MCF2L2: variants seen among roughly 807,000 people sequenced by gnomAD.
MCF2L2 encodes the protein probable guanine nucleotide exchange factor MCF2L2.
In MCF2L2, 102 loss-of-function variants were observed where a neutral mutation model predicts 150.2. The observed-to-expected ratio is 0.68, with a 90% CI of 0.58 to 0.80. The LOEUF (loss-of-function observed/expected upper bound fraction) is 0.80. MCF2L2 is among the 30% of genes least tolerant of loss of function. The pLI is 0.00. For synonymous variants in MCF2L2, 465 were observed against 491.3 expected (o/e 0.95, Z 0.71); for missense variants, 1,256 against 1,372.8 (o/e 0.91, Z 1.34).
chr3:183,351,893 C>T (rs749364332), intron 3 of MCF2L2, among the ~76,000 whole-genome samples: 5 of 152,212 alleles, frequency 3.3e-5, no homozygotes, highest in Non-Finnish European at 5.9e-5. Flanking sequence ...AGAAGCTCAT[C>T]TCAAGCCCTC....
chr3:183,309,576 T>C (rs1480931833), intron 10 of MCF2L2, 140 bp downstream of exon 10: 1 of 1,031,966 alleles, frequency 9.7e-7, no homozygotes. Context: ...GCCTCTCTCC[T>C]TGGGATCCTG....
intron 14 of MCF2L2, among the ~76,000 whole-genome samples, chr3:183,285,060 CT>C (rs1382079999): frequency 2.0e-5 from 3 of 152,226 alleles, no homozygotes; most frequent in Admixed American, 2.0e-4. Flanking sequence ...AACTTGCCCC[CT>C]GATCTGTTAT....
intron 18 of MCF2L2, 188 bp downstream of exon 18, chr3:183,228,109 C>G (rs1376259984): frequency 3.6e-6 from 2 of 554,110 alleles, no homozygotes; most frequent in Non-Finnish European, 6.5e-6. Flanking sequence ...GTAAGTATAT[C>G]AAACCATCAT....
At chr3:183,347,607 G>A (rs1424959551) in intron 3 of MCF2L2, among the ~76,000 whole-genome samples, 1 of 152,152 alleles carries the variant, frequency 6.6e-6, no homozygotes, top group African/African-American at 2.4e-5. Flanking sequence ...TATCATCAGA[G>A]TGAACATGCA....
intron 7 of MCF2L2, among the ~76,000 whole-genome samples, chr3:183,313,700 C>A (rs991526566): frequency 6.6e-6 from 1 of 152,204 alleles, no homozygotes; most frequent in Non-Finnish European, 1.5e-5. Context: ...TGCCCGCACT[C>A]AGGCTGGAGG....
At chr3:183,427,848 G>C in intron 1 of MCF2L2, 54 bp downstream of exon 1, 1 of 1,478,002 alleles carries the variant, frequency 6.8e-7, no homozygotes, top group South Asian at 1.1e-5. Flanking sequence ...GAAGCCCAGA[G>C]ACCATCCTCA....
intron 10 of MCF2L2, among the ~76,000 whole-genome samples, chr3:183,304,310 C>A (rs913738374): frequency 6.6e-6 from 1 of 152,172 alleles, no homozygotes; most frequent in Admixed American, 6.5e-5. Flanking sequence ...AAGAGGAGTA[C>A]TGGTATAGAA....
At chr3:183,188,839 G>C (rs575277537) in intron 27 of MCF2L2, among the ~76,000 whole-genome samples, 1 of 152,116 alleles carries the variant, frequency 6.6e-6, no homozygotes, top group South Asian at 2.1e-4. Context: ...GGTGTGGCAT[G>C]AGCCTGTAAT....
intron 2 of MCF2L2, among the ~76,000 whole-genome samples, chr3:183,385,212 C>CT (rs1213576802): frequency 1.3e-5 from 2 of 151,960 alleles, no homozygotes; most frequent in Non-Finnish European, 1.5e-5. Flanking sequence ...TTATTTTAAC[C>CT]TTTTTAATAT....
At chr3:183,338,059 T>C (rs780704791) in intron 5 of MCF2L2, among the ~76,000 whole-genome samples, 1 of 152,148 alleles carries the variant, frequency 6.6e-6, no homozygotes, top group African/African-American at 2.4e-5. Context: ...CCGTGTTTTG[T>C]TTCACCTGTA....
At chr3:183,382,109 A>G (rs1713563171) in intron 2 of MCF2L2, among the ~76,000 whole-genome samples, 1 of 152,116 alleles carries the variant, frequency 6.6e-6, no homozygotes, top group South Asian at 2.1e-4. Flanking sequence ...CCCAGGCTAG[A>G]CTGCAGTGGT....
chr3:183,297,006 C>T lies in MCF2L2; in HGVS notation c.1467G>A (p.Glu489=), dbSNP rs1281123993. Residue 489 remains glutamate, a synonymous_variant, in exon 12 of 30, where the codon GAG becomes GAA. Coordinates refer to ENST00000328913, the MANE Select transcript of MCF2L2 (RefSeq NM_015078.4). ...PLLSPKEFYN[E]FELLLTLDAK... Reference sequence around the variant, plus strand: ...CATCGAGGGTGAGCAGCAACTCAAACTCGTTGTAAAACTCCTTGGGGCTGA... The same window carrying T: ...CATCGAGGGTGAGCAGCAACTCAAATTCGTTGTAAAACTCCTTGGGGCTGA... 20 of 1,613,840 alleles carry T rather than the reference C, an allele frequency of 1.2e-5. No homozygotes were observed. Among genetic ancestry groups the T allele is most frequent in the Non-Finnish European group, 1.4e-5 (17 of 1,179,970 alleles).
In MCF2L2 at chr3:183,427,932, G is replaced by T. The variant is rs772638140; in HGVS notation, c.46C>A (p.Arg16=). 3 of 1,614,004 alleles carry T rather than the reference G, an allele frequency of 1.9e-6. No homozygotes were observed. The highest frequency in any genetic ancestry group is 2.7e-5 in the African/African-American group (2 of 74,922). ...TGAGTGATCACTGTGGCCAGTCGCC[G>T]GGTGAGCTCCTGGGGAGGCATCTCT... ...KEEMPPQELT[R]RLATVITHVD... Residue 16 remains arginine, a synonymous_variant, in exon 1 of 30, where the codon CGG becomes AGG. Coordinates refer to ENST00000328913, the MANE Select transcript of MCF2L2 (RefSeq NM_015078.4).
At chr3:183,269,976 G>A in intron 15 of MCF2L2, 1 of 1,614,104 alleles carries the variant, frequency 6.2e-7, no homozygotes, top group Non-Finnish European at 8.5e-7. Context: ...CTTTGTGAAT[G>A]ATACCCTGTC....
At chr3:183,316,071 A>C (rs535940456) in intron 7 of MCF2L2, among the ~76,000 whole-genome samples, 1 of 151,980 alleles carries the variant, frequency 6.6e-6, no homozygotes, top group African/African-American at 2.4e-5. Context: ...CAACAGGACC[A>C]CTCTGCAGAC....
At chr3:183,403,226 T>A (rs531640596) in intron 1 of MCF2L2, among the ~76,000 whole-genome samples, 1 of 152,230 alleles carries the variant, frequency 6.6e-6, no homozygotes, top group South Asian at 2.1e-4. Flanking sequence ...GAGCCGAGAC[T>A]GCACCACTGC....
chr3:183,397,095 T>C (rs1178364376), intron 1 of MCF2L2, among the ~76,000 whole-genome samples: 1 of 152,230 alleles, frequency 6.6e-6, no homozygotes, highest in African/African-American at 2.4e-5. Flanking sequence ...ATAATAGGCA[T>C]AGACTGAAAA....
chr3:183,350,495 G>C (rs79897671), intron 3 of MCF2L2, among the ~76,000 whole-genome samples: 3,574 of 152,188 alleles, frequency 0.023, 115 homozygotes, highest in South Asian at 0.09. Context: ...TGATATGATT[G>C]TCATACTCGC....
intron 15 of MCF2L2, among the ~76,000 whole-genome samples, chr3:183,249,060 A>T (rs1188248810): frequency 6.6e-6 from 1 of 152,180 alleles, no homozygotes; most frequent in Non-Finnish European, 1.5e-5. Context: ...TAGTTTAGAT[A>T]GCTGTGACTA....
Sources: allele counts gnomAD v4.1 joint callset (sites outside exome capture counted in the v4.1 genomes callset), GRCh38; gene constraint gnomAD v4.1.1; transcripts MANE v1.5; gene names NCBI Gene and HGNC (gene_info 2026-07-23, HGNC 2026-07-21).